PCDHGB1: variants seen among roughly 807,000 people sequenced by gnomAD.
PCDHGB1 encodes protocadherin gamma subfamily B, 1.
PCDHGB1 carries 34 observed loss-of-function variants against 56.6 expected under a neutral mutation model. That is an observed-to-expected ratio of 0.60 (90% CI 0.46 to 0.80). PCDHGB1 has a LOEUF of 0.80. Ranked by LOEUF, PCDHGB1 falls within the 30% of genes least tolerant of loss-of-function variation. The probability of loss-of-function intolerance (pLI) is 0.00; values close to 1 mark genes in which losing one functional copy is unlikely to be tolerated. For synonymous variants in PCDHGB1, 561 were observed against 505.9 expected (o/e 1.11, Z -1.46); for missense variants, 1,278 against 1,204.6 (o/e 1.06, Z -0.90).
rs1333168918 is a variant in PCDHGB1, at chr5:141,375,648, A to G, written c.2409+22979A>G. On this transcript the variant is annotated intron_variant, in intron 1 of 3. Coordinates refer to ENST00000523390, the MANE Select transcript of PCDHGB1 (RefSeq NM_018922.3). The stretch of plus-strand genomic sequence containing the variant: ...CTGTACGCCCTGCGCTCCTTCGACT[A>G]TGAGCAGTTGAGAGACCTACAGCTG... 3.7e-6 allele frequency: 6 copies of G among 1,614,030 alleles called. No individual in the cohort carries two copies. The African/African-American group carries it at 6.7e-5, about 18-fold the overall frequency.
chr5:141,401,841 CACTT>C (rs1043132396), intron 1 of PCDHGB1, among the ~76,000 whole-genome samples: 6 of 152,114 alleles, frequency 3.9e-5, no homozygotes, highest in Non-Finnish European at 8.8e-5. Flanking sequence ...CTTATAATAC[CACTT>C]ACTTTTAACC....
intron 2 of PCDHGB1, among the ~76,000 whole-genome samples, chr5:141,503,940 C>G (rs890249753): frequency 6.6e-6 from 1 of 152,218 alleles, no homozygotes; most frequent in Non-Finnish European, 1.5e-5. Flanking sequence ...TTCATGCCTT[C>G]AAGGCCTACC....
At chr5:141,478,239 C>G in intron 1 of PCDHGB1, 1 of 1,614,132 alleles carries the variant, frequency 6.2e-7, no homozygotes. Flanking sequence ...TTTGTGGTCA[C>G]AGTGTTCGGA....
rs1206206519 is a variant in PCDHGB1 at position 141,432,127 on chromosome 5, C to G, written c.2410-62680C>G. ...ACCCGCCGGTCTTCCCTCAGGCCTC[C>G]TATTCCGCTTATATCCCAGAGAACA... On this transcript the variant is annotated intron_variant, in intron 1 of 3. Coordinates refer to ENST00000523390, the MANE Select transcript of PCDHGB1 (RefSeq NM_018922.3). The surrounding 1 kb of genome is among the most constrained non-coding windows in gnomAD (Gnocchi z 6.0). The G allele has an allele frequency of 6.8e-6, 11 of 1,614,160 alleles. No homozygotes were observed. The highest frequency in any genetic ancestry group is 8.5e-6 in the Non-Finnish European group (10 of 1,180,032).
intron 1 of PCDHGB1, among the ~76,000 whole-genome samples, chr5:141,473,661 G>T (rs935648567): frequency 2.6e-5 from 4 of 152,172 alleles, no homozygotes; most frequent in Non-Finnish European, 4.4e-5. Context: ...TTGTGTGAAG[G>T]CCCTGAGACA....
intron 2 of PCDHGB1, among the ~76,000 whole-genome samples, chr5:141,501,294 C>CAT (rs200497585): frequency 0.16 from 9,924 of 62,810 alleles, 350 homozygotes; most frequent in Non-Finnish European, 0.25. Flanking sequence ...CCCTTATACA[C>CAT]ACACACACAC....
chr5:141,360,463 G>T, intron 1 of PCDHGB1: 2 of 1,613,904 alleles, frequency 1.2e-6, no homozygotes, highest in Non-Finnish European at 8.5e-7. Flanking sequence ...CGATACTGTC[G>T]CTGAAAATCC....
Position 141,501,335 on chromosome 5 carries a change from C to A in PCDHGB1, c.2469-4058C>A, listed in dbSNP as rs977626682. 1.5e-4 allele frequency among the ~76,000 whole-genome samples: 20 copies of A among 135,718 alleles called. No individual in the cohort carries two copies. In the East Asian group the frequency reaches 2.2e-3, roughly 15 times the overall value. The allele number at this position is 135,718 out of a possible 152,430, so 89.0% of individuals were successfully genotyped here. The stretch of plus-strand genomic sequence containing the variant: ...CACACACACACACACACACACACAC[C>A]CCAAACTCAATAGGGCAAGAACCAT... On this transcript the variant is annotated intron_variant, in intron 2 of 3. Transcript: ENST00000523390.
chr5:141,423,516 C>T (rs2096749721), intron 1 of PCDHGB1: 1 of 1,613,732 alleles, frequency 6.2e-7, no homozygotes, highest in Non-Finnish European at 8.5e-7. Flanking sequence ...TCATTGCGGA[C>T]TCGCAGAAGA....
rs534823543 is a variant in PCDHGB1, at chr5:141,383,535, C to T, written c.2409+30866C>T. ...AAGAGCGGGTTCACCACCTGGTCCT[C>T]ACAGCCTCTGATGGCGGCGACCCGC... On this transcript the variant is annotated intron_variant, in intron 1 of 3. Transcript: ENST00000523390. The T allele has an allele frequency of 1.9e-5, 31 of 1,612,472 alleles. No individual in the cohort carries two copies. The African/African-American group carries it at 3.7e-4, about 19-fold the overall frequency.
chr5:141,485,229 T>G lies in PCDHGB1; in HGVS notation c.2410-9578T>G, dbSNP rs2099609870. ...ATCTGGCGGTGGGCTACCCTTTTGT[T>G]CCTCTTTTACCACCTGGGTTACGTT... is the stretch of plus-strand genomic sequence containing the variant. On this transcript the variant is annotated intron_variant, in intron 1 of 3. Coordinates refer to ENST00000523390, the MANE Select transcript of PCDHGB1 (RefSeq NM_018922.3). The surrounding 1 kb of genome is among the most constrained non-coding windows in gnomAD (Gnocchi z 5.7). 6.2e-7 allele frequency: 1 copy of G among 1,614,042 alleles called. No individual in the cohort carries two copies. The highest frequency in any genetic ancestry group is 8.5e-7 in the Non-Finnish European group (1 of 1,180,030).
intron 1 of PCDHGB1, chr5:141,423,123 A>G: frequency 1.2e-6 from 2 of 1,613,766 alleles, no homozygotes; most frequent in Non-Finnish European, 1.7e-6. Flanking sequence ...CAGCGCGGGC[A>G]CTGCTGGACA....
At chr5:141,466,077 A>G (rs1220036084) in intron 1 of PCDHGB1, among the ~76,000 whole-genome samples, 2 of 152,108 alleles carry the variant, frequency 1.3e-5, no homozygotes, top group Non-Finnish European at 2.9e-5. Context: ...AGCTGATATC[A>G]TGCCACTGCA....
intron 1 of PCDHGB1, chr5:141,376,282 G>A: frequency 6.2e-7 from 1 of 1,614,214 alleles, no homozygotes; most frequent in Non-Finnish European, 8.5e-7. Context: ...GTGGCTTAGC[G>A]AGCATGCCCG....
At chr5:141,360,105 C>A in intron 1 of PCDHGB1, 1 of 1,550,518 alleles carries the variant, frequency 6.4e-7, no homozygotes. Context: ...CTTATTCCTC[C>A]TATGGGCAAA....
chr5:141,462,471 C>T (rs1464947091), intron 1 of PCDHGB1, among the ~76,000 whole-genome samples: 1 of 152,020 alleles, frequency 6.6e-6, no homozygotes, highest in East Asian at 1.9e-4. Context: ...GTGTATTCTG[C>T]TTCTCGTGGT....
At chr5:141,361,317 G>A in intron 1 of PCDHGB1, 2 of 1,613,944 alleles carry the variant, frequency 1.2e-6, no homozygotes, top group Non-Finnish European at 8.5e-7. Flanking sequence ...AGTTTATTTT[G>A]AAATCTTCCT....
At chr5:141,437,460 T>C (rs2097886220) in intron 1 of PCDHGB1, among the ~76,000 whole-genome samples, 1 of 152,230 alleles carries the variant, frequency 6.6e-6, no homozygotes, top group South Asian at 2.1e-4. Flanking sequence ...GAGACTATAC[T>C]ATACTTTTAT....
intron 1 of PCDHGB1, among the ~76,000 whole-genome samples, chr5:141,449,041 C>T (rs998143732): frequency 3.3e-5 from 5 of 152,126 alleles, no homozygotes; most frequent in Admixed American, 3.3e-4. Flanking sequence ...GATTATTAAC[C>T]AGTCTCATAA....
Sources: allele counts gnomAD v4.1 joint callset (sites outside exome capture counted in the v4.1 genomes callset), GRCh38; gene constraint gnomAD v4.1.1; non-coding constraint Gnocchi (gnomAD v3.1); transcripts MANE v1.5; gene names NCBI Gene and HGNC (gene_info 2026-07-23, HGNC 2026-07-21).